Variants in ST6GALNAC3 observed in about 807,000 individuals in gnomAD.
ST6GALNAC3 encodes alpha-N-acetylgalactosaminide alpha-2,6-sialyltransferase 3.
A neutral mutation model predicts 32.7 loss-of-function variants in ST6GALNAC3; 25 were observed. The observed-to-expected ratio is 0.76, with a 90% confidence interval of 0.56 to 1.07. ST6GALNAC3 has a LOEUF of 1.07. ST6GALNAC3 is among the 50% of genes least tolerant of loss of function. The pLI is 0.00. For synonymous variants in ST6GALNAC3, 129 were observed against 133.1 expected (o/e 0.97, Z 0.21); for missense variants, 355 against 382.4 (o/e 0.93, Z 0.60).
At chr1:76,449,646 A>G (rs762374745) in intron 3 of ST6GALNAC3, among the ~76,000 whole-genome samples, 5 of 152,214 alleles carry the variant, frequency 3.3e-5, no homozygotes, top group Non-Finnish European at 7.3e-5. Flanking sequence ...TTTAATTTGC[A>G]ATCCCCTAAT....
At chr1:76,506,359 C>T (rs1170308943) in intron 3 of ST6GALNAC3, among the ~76,000 whole-genome samples, 4 of 151,286 alleles carry the variant, frequency 2.6e-5, no homozygotes, top group Non-Finnish European at 5.9e-5. Flanking sequence ...ATCTCTAAAA[C>T]TTCATATCTT....
At chr1:76,292,546 T>C (rs55805865) in intron 1 of ST6GALNAC3, among the ~76,000 whole-genome samples, 80,361 of 152,084 alleles carry the variant, frequency 0.53, 22,280 homozygotes, top group African/African-American at 0.71. Context: ...AAGATTGGCT[T>C]ACTTGTTGCA....
chr1:76,164,219 G>A (rs774292635), intron 1 of ST6GALNAC3, among the ~76,000 whole-genome samples: 7 of 152,168 alleles, frequency 4.6e-5, no homozygotes, highest in Non-Finnish European at 8.8e-5. Context: ...CTGTGAGGGT[G>A]CAAAGGAGAA....
chr1:76,530,574 G>A (rs931714296), intron 3 of ST6GALNAC3, among the ~76,000 whole-genome samples: 7 of 152,166 alleles, frequency 4.6e-5, no homozygotes, highest in African/African-American at 1.7e-4. Flanking sequence ...CCTAGCAATT[G>A]AGACCTTGAT....
chr1:76,385,228 A>G (rs1180295399), intron 2 of ST6GALNAC3, among the ~76,000 whole-genome samples: 1 of 152,118 alleles, frequency 6.6e-6, no homozygotes, highest in African/African-American at 2.4e-5. Flanking sequence ...GGGGGTTCAA[A>G]TTCTGTATCA....
intron 3 of ST6GALNAC3, among the ~76,000 whole-genome samples, chr1:76,543,733 A>ATAACT (rs1285564075): frequency 6.6e-6 from 1 of 152,176 alleles, no homozygotes; most frequent in African/African-American, 2.4e-5. Context: ...GGCCATTTGC[A>ATAACT]TAACTCCCAT....
chr1:76,245,331 T>C (rs1400788349), intron 1 of ST6GALNAC3, among the ~76,000 whole-genome samples: 1 of 152,176 alleles, frequency 6.6e-6, no homozygotes, highest in Non-Finnish European at 1.5e-5. Context: ...TTTTCTTCTT[T>C]ATTAGTCTAG....
chr1:76,473,206 G>A (rs1242469400), intron 3 of ST6GALNAC3, among the ~76,000 whole-genome samples: 1 of 152,090 alleles, frequency 6.6e-6, no homozygotes, highest in Non-Finnish European at 1.5e-5. Flanking sequence ...TTCAGAGTGA[G>A]GAATAGAGTA....
intron 3 of ST6GALNAC3, among the ~76,000 whole-genome samples, chr1:76,613,079 A>C (rs1648041863): frequency 6.6e-6 from 1 of 152,200 alleles, no homozygotes; most frequent in African/African-American, 2.4e-5. Flanking sequence ...TTGAGACAGT[A>C]GCTGCCAACA....
intron 2 of ST6GALNAC3, among the ~76,000 whole-genome samples, chr1:76,338,913 T>A (rs566340094): frequency 6.6e-6 from 1 of 152,230 alleles, no homozygotes; most frequent in South Asian, 2.1e-4. Flanking sequence ...CAGGATGGAG[T>A]CAAGATGAGT....
intron 3 of ST6GALNAC3, among the ~76,000 whole-genome samples, chr1:76,519,216 C>A (rs918117285): frequency 6.6e-6 from 1 of 151,776 alleles, no homozygotes; most frequent in Non-Finnish European, 1.5e-5. Context: ...CTTCAAAAGA[C>A]TCCTATTAGA....
intron 1 of ST6GALNAC3, among the ~76,000 whole-genome samples, chr1:76,134,996 G>A (rs1649848152): frequency 6.6e-6 from 1 of 152,030 alleles, no homozygotes; most frequent in Non-Finnish European, 1.5e-5. Context: ...TACAAAATTA[G>A]CCAGGCGTGG....
At chr1:76,395,418 GATCCAGCA>G (rs1377357186) in intron 2 of ST6GALNAC3, among the ~76,000 whole-genome samples, 13 of 152,188 alleles carry the variant, frequency 8.5e-5, no homozygotes, top group Non-Finnish European at 1.3e-4. Context: ...ACTGCCATAT[GATCCAGCA>G]ATCCTACTAC....
chr1:76,135,081 G>A (rs1649854845), intron 1 of ST6GALNAC3, among the ~76,000 whole-genome samples: 3 of 152,106 alleles, frequency 2.0e-5, no homozygotes, highest in East Asian at 3.9e-4. Context: ...GGCAAAGGTT[G>A]CAGTGAGCCA....
intron 3 of ST6GALNAC3, among the ~76,000 whole-genome samples, chr1:76,574,125 C>T (rs957014705): frequency 6.6e-6 from 1 of 152,002 alleles, no homozygotes; most frequent in Non-Finnish European, 1.5e-5. Context: ...CAGTATGAAA[C>T]TTGACAATTC....
At chr1:76,226,640 G>C (rs909430788) in intron 1 of ST6GALNAC3, among the ~76,000 whole-genome samples, 1 of 152,142 alleles carries the variant, frequency 6.6e-6, no homozygotes, top group African/African-American at 2.4e-5. Context: ...AATCATGTTG[G>C]AAGGCAAAGG....
At chr1:76,309,886 A>G in intron 1 of ST6GALNAC3, 1 of 451,996 alleles carries the variant, frequency 2.2e-6, no homozygotes, top group Non-Finnish European at 4.5e-6. Flanking sequence ...AGAGGCAGAC[A>G]TGGGTTGCCA....
chr1:76,213,330 G>A (rs1285517723), intron 1 of ST6GALNAC3, among the ~76,000 whole-genome samples: 1 of 152,196 alleles, frequency 6.6e-6, no homozygotes, highest in African/African-American at 2.4e-5. Context: ...GAAGTATGCT[G>A]TGTCCTCGAA....
intron 3 of ST6GALNAC3, among the ~76,000 whole-genome samples, chr1:76,546,201 T>G (rs1021022571): frequency 6.6e-6 from 1 of 152,210 alleles, no homozygotes; most frequent in Non-Finnish European, 1.5e-5. Context: ...TGGAAGTGGT[T>G]ATGTCCTGCG....
Sources: gnomAD v4.1 joint callset for allele counts (sites outside exome capture counted in the v4.1 genomes callset) on GRCh38, gnomAD v4.1.1 for gene constraint, MANE v1.5 for transcripts, NCBI Gene and HGNC (gene_info 2026-07-23, HGNC 2026-07-21) for gene names.